SLC39A14: variants seen among roughly 807,000 people sequenced by gnomAD.
SLC39A14 encodes metal cation symporter ZIP14.
A neutral mutation model predicts 45.5 loss-of-function variants in SLC39A14; 19 were observed. The observed-to-expected ratio is 0.42, with a 90% confidence interval of 0.29 to 0.61. SLC39A14 has a LOEUF of 0.61. Ranked by LOEUF, SLC39A14 falls within the 20% of genes least tolerant of loss-of-function variation. SLC39A14 has a pLI of 0.22. For missense variants in SLC39A14, 447 were observed against 616.5 expected (o/e 0.73, Z 2.91); for synonymous variants, 264 against 251.3 (o/e 1.05, Z -0.48).
chr8:22,401,540 TTTC>T (rs201464869), intron 1 of SLC39A14, among the ~76,000 whole-genome samples: 2,101 of 122,034 alleles, frequency 0.017, 195 homozygotes, highest in African/African-American at 0.088. Flanking sequence ...TTCTCTTCTC[TTTC>T]TTTTTTTTTT....
chr8:22,415,448 C>T (rs2132356264), intron 5 of SLC39A14: 1 of 254,858 alleles, frequency 3.9e-6, no homozygotes, highest in African/African-American at 2.3e-5. Context: ...AGGTCCTTCG[C>T]ACTTGGTGCA....
rs1836129501 is a variant in SLC39A14 at position 22,419,906 on chromosome 8, C to A, written c.*208C>A. The stretch of plus-strand genomic sequence containing the variant: ...CTGGTAACCAGTCTCTAGCTAGTGC[C>A]TCTTGCCCTCTCCTCACCTCCTTTT... On this transcript the variant is annotated 3_prime_UTR_variant, in exon 9 of 9. Transcript: ENST00000381237. 7.9e-7 allele frequency: 1 copy of A among 1,267,730 alleles called. No individual in the cohort carries two copies. 78.5% of individuals were successfully genotyped at this position (1,267,730 alleles called of 1,614,324 possible).
At position 22,421,151 on chromosome 8, in the gene SLC39A14, G is replaced by A; in HGVS notation, c.*1453G>A. On this transcript the variant is annotated 3_prime_UTR_variant, in exon 9 of 9. Transcript: ENST00000381237. ...TGTCTCTCCAGAAGCCTTTCTTAGT[G>A]GTGCCCACAGTTGGAGCCCAGGGGC... is the stretch of plus-strand genomic sequence containing the variant. The A allele has an allele frequency of 1.0e-6, 1 of 985,798 alleles. No homozygotes were observed. 61.1% of individuals were successfully genotyped at this position (985,798 alleles called of 1,614,324 possible). A position where few individuals can be genotyped will look rare whatever the true frequency, so the allele number is the denominator to read the frequency against.
At chr8:22,415,166 T>C (rs1466649814) in intron 5 of SLC39A14, 2 of 412,416 alleles carry the variant, frequency 4.8e-6, no homozygotes, top group Non-Finnish European at 8.6e-6. Flanking sequence ...GATTATTTCC[T>C]TAATATATTT....
chr8:22,408,598 A>G (rs1428676062), intron 3 of SLC39A14, 102 bp downstream of exon 3: 18 of 1,076,942 alleles, frequency 1.7e-5, no homozygotes, highest in Admixed American at 5.4e-5. Flanking sequence ...ATGCCTCACC[A>G]GTGATGACCA....
At chr8:22,411,787 CTCTT>C (rs1310500947) in intron 3 of SLC39A14, 4 of 453,602 alleles carry the variant, frequency 8.8e-6, no homozygotes, top group East Asian at 3.9e-5. Context: ...CCTTGAATTC[CTCTT>C]TCTTCTGAAC....
Position 22,422,220 on chromosome 8 carries a change from T to C in SLC39A14, c.*2522T>C. On this transcript the variant is annotated 3_prime_UTR_variant, in exon 9 of 9. Transcript: ENST00000381237. ...GATGCACCAGCTCCTATTAATAAGT[T>C]AGCAAGGAAAGTGTATGTCACGTGC... 8.1e-6 allele frequency: 8 copies of C among 985,458 alleles called. No homozygotes were observed. Among genetic ancestry groups the C allele is most frequent in the Non-Finnish European group, 9.6e-6 (8 of 829,930 alleles). 61.0% of individuals were successfully genotyped at this position (985,458 alleles called of 1,614,324 possible).
At chr8:22,408,695 A>T (rs1194158899) in intron 3 of SLC39A14, among the ~76,000 whole-genome samples, 199 bp downstream of exon 3, 3 of 150,880 alleles carry the variant, frequency 2.0e-5, no homozygotes, top group African/African-American at 7.3e-5. Flanking sequence ...ACATTGTCAG[A>T]CTCCTGGGCC....
chr8:22,388,128 A>T (rs1833883753), intron 1 of SLC39A14, among the ~76,000 whole-genome samples: 1 of 152,170 alleles, frequency 6.6e-6, no homozygotes, highest in African/African-American at 2.4e-5. Flanking sequence ...AAAACCTAAA[A>T]TATAAGCCCT....
At position 22,421,985 on chromosome 8, in the gene SLC39A14, G is replaced by A; in HGVS notation, c.*2287G>A. ...GGTCAGTCCTAGTCGGAGCTTAGGA[G>A]GGGCGGAGACGCTCACATCGTCTGA... On this transcript the variant is annotated 3_prime_UTR_variant, in exon 9 of 9. Transcript: ENST00000381237. The A allele has an allele frequency of 1.0e-6, 1 of 985,456 alleles. No homozygotes were observed. Among genetic ancestry groups the A allele is most frequent in the African/African-American group, 1.7e-5 (1 of 57,370 alleles). 61.0% of individuals were successfully genotyped at this position (985,456 alleles called of 1,614,324 possible).
chr8:22,412,125 T>C lies in SLC39A14; in HGVS notation c.546T>C (p.Phe182=), dbSNP rs758606480. The stretch of plus-strand genomic sequence containing the variant: ...TGGTGCCCTTCATGAAGAAGACCTT[T>C]TACAAGAGGCTGCTGCTCTACTTCA... ...ASVVPFMKKT[F]YKRLLLYFIA... The change falls in exon 4 of 9, where the codon TTT becomes TTC. Residue 182 remains phenylalanine (F), a synonymous_variant. Coordinates refer to ENST00000381237, the MANE Select transcript of SLC39A14 (RefSeq NM_001128431.4). 6.4e-7 allele frequency: 1 copy of C among 1,551,672 alleles called. No individual in the cohort carries two copies.
At chr8:22,391,374 T>C (rs1298554092) in intron 1 of SLC39A14, among the ~76,000 whole-genome samples, 1 of 152,054 alleles carries the variant, frequency 6.6e-6, no homozygotes, top group East Asian at 1.9e-4. Context: ...TTGGAGTGAG[T>C]TTTTAAAGCC....
chr8:22,398,571 C>G (rs916009636), intron 1 of SLC39A14: 1 of 203,946 alleles, frequency 4.9e-6, no homozygotes, highest in African/African-American at 2.4e-5. Flanking sequence ...AGGGAGGGGA[C>G]AAGTGGATGC....
At position 22,416,127 on chromosome 8, in the gene SLC39A14, G is replaced by T; in HGVS notation, c.994G>T (p.Asp332Tyr). Residue 332 changes from aspartate (D) to tyrosine (Y), a missense_variant, in exon 7 of 9, where the codon GAT (aspartate) becomes TAT (tyrosine). This residue lies in a region of SLC39A14 where 342 missense variants were observed against 428.1 expected (regional missense o/e 0.80). Transcript: ENST00000381237. ...CYWLKGVRYS[D>Y]IGTLAWMITL... The stretch of plus-strand genomic sequence containing the variant: ...CTGGCTGAAAGGTGTCCGCTACTCT[G>T]ATATCGGCACTCTGGCCTGGATGAT... The T allele has an allele frequency of 6.2e-7, 1 of 1,614,122 alleles. No individual in the cohort carries two copies. The highest frequency in any genetic ancestry group is 8.5e-7 in the Non-Finnish European group (1 of 1,180,022).
intron 1 of SLC39A14, among the ~76,000 whole-genome samples, chr8:22,391,498 A>G (rs1427561925): frequency 6.6e-6 from 1 of 151,972 alleles, no homozygotes; most frequent in African/African-American, 2.4e-5. Context: ...ACTTCAGATG[A>G]TCTGGGTTAA....
At chr8:22,371,957 C>G (rs1365538975) in intron 1 of SLC39A14, among the ~76,000 whole-genome samples, 1 of 152,054 alleles carries the variant, frequency 6.6e-6, no homozygotes, top group East Asian at 1.9e-4. Flanking sequence ...GTTGGCCAGG[C>G]TGGTCTCCAA....
chr8:22,374,375 C>T (rs1302060931), intron 1 of SLC39A14, among the ~76,000 whole-genome samples: 1 of 152,048 alleles, frequency 6.6e-6, no homozygotes, highest in Admixed American at 6.6e-5. Flanking sequence ...GCAGGATGGC[C>T]TTCCTGAAGC....
intron 1 of SLC39A14, chr8:22,398,869 C>A: frequency 4.3e-6 from 2 of 468,324 alleles, no homozygotes; most frequent in Non-Finnish European, 5.6e-6. Context: ...GGTTCCAGAA[C>A]AGGTGTCTTG....
chr8:22,412,584 G>A (rs1835637487), intron 4 of SLC39A14, among the ~76,000 whole-genome samples: 1 of 152,184 alleles, frequency 6.6e-6, no homozygotes, highest in African/African-American at 2.4e-5. Context: ...AAAAGATGCA[G>A]TGTAGCGAGC....
Sources: allele counts gnomAD v4.1 joint callset (sites outside exome capture counted in the v4.1 genomes callset), GRCh38; gene constraint gnomAD v4.1.1; regional missense constraint gnomAD v4.1.1; transcripts MANE v1.5; gene names NCBI Gene and HGNC (gene_info 2026-07-23, HGNC 2026-07-21).